The following NYAP2 variants were observed in gnomAD, a reference collection of about 807,000 sequenced individuals.
NYAP2 encodes the protein neuronal tyrosine-phosphorylated phosphoinositide-3-kinase adaptor 2, also known as neuronal tyrosine-phosphorylated phosphoinositide-3-kinase adapter 2.
In NYAP2, 23 loss-of-function variants were observed where a neutral mutation model predicts 50.4. That is an observed-to-expected ratio of 0.46 (90% CI 0.33 to 0.65). The LOEUF (loss-of-function observed/expected upper bound fraction) is 0.65. NYAP2 is among the 30% of genes least tolerant of loss of function. The pLI, the probability that NYAP2 is intolerant of heterozygous loss-of-function variation, is 0.02. For missense variants in NYAP2, 885 were observed against 861.0 expected (o/e 1.03, Z -0.35); for synonymous variants, 394 against 365.2 (o/e 1.08, Z -0.90).
At chr2:225,487,425 T>G (rs1343059757) in intron 3 of NYAP2, among the ~76,000 whole-genome samples, 1 of 152,034 alleles carries the variant, frequency 6.6e-6, no homozygotes, top group Non-Finnish European at 1.5e-5. Flanking sequence ...AGTGGCACAA[T>G]CTTGGCTCAC....
chr2:225,556,083 G>T (rs1200765458), intron 4 of NYAP2, among the ~76,000 whole-genome samples: 2 of 152,078 alleles, frequency 1.3e-5, no homozygotes, highest in African/African-American at 4.8e-5. Context: ...GAGTCTTTTT[G>T]CCAATGGAGC....
At chr2:225,498,769 GAA>G (rs2106176072) in intron 3 of NYAP2, among the ~76,000 whole-genome samples, 1 of 152,236 alleles carries the variant, frequency 6.6e-6, no homozygotes, top group East Asian at 1.9e-4. Flanking sequence ...GTATATATAG[GAA>G]GTATATAGGT....
intron 2 of NYAP2, among the ~76,000 whole-genome samples, chr2:225,407,250 A>G (rs564274980): frequency 6.6e-6 from 1 of 152,146 alleles, no homozygotes; most frequent in South Asian, 2.1e-4. Context: ...ACTATTCTTC[A>G]TGTCCATCAT....
chr2:225,596,212 A>G (rs573465105), intron 5 of NYAP2, among the ~76,000 whole-genome samples: 24 of 152,160 alleles, frequency 1.6e-4, no homozygotes, highest in East Asian at 3.9e-4. Context: ...GTTTATTTCC[A>G]TGCAATAGGA....
At chr2:225,491,992 T>C (rs1436578042) in intron 3 of NYAP2, among the ~76,000 whole-genome samples, 1 of 152,012 alleles carries the variant, frequency 6.6e-6, no homozygotes, top group East Asian at 1.9e-4. Context: ...GAGGAGGTGG[T>C]GGTATGACCC....
intron 6 of NYAP2, among the ~76,000 whole-genome samples, chr2:225,640,954 A>G (rs1693516658): frequency 6.6e-6 from 1 of 152,168 alleles, no homozygotes; most frequent in Non-Finnish European, 1.5e-5. Context: ...AACTATTCTG[A>G]TTCTATTGGG....
At position 225,645,477 on chromosome 2, in the gene NYAP2, C is replaced by G. The variant is rs367641362; in HGVS notation, c.1829-5955C>G. Among the ~76,000 whole-genome samples, 32 of 151,760 alleles carry G rather than the reference C, an allele frequency of 2.1e-4. No individual in the cohort carries two copies. The East Asian group carries it at 5.0e-3, about 24-fold the overall frequency. ...TTCCTTTTCCTTCCTCTCTGTTTCC[C>G]TCCTCCACTGCCTTTCTCTCTCTCT... is the stretch of plus-strand genomic sequence containing the variant. On this transcript the variant is annotated intron_variant, in intron 6 of 6. Transcript: ENST00000636099.
chr2:225,513,651 A>G (rs752581578), exon 4 of NYAP2: 2 of 1,519,212 alleles, frequency 1.3e-6, no homozygotes, highest in Non-Finnish European at 1.8e-6. Flanking sequence ...TAAGAGCGGG[A>G]AAACCCCTGA....
At chr2:225,488,620 A>G (rs1321052457) in intron 3 of NYAP2, among the ~76,000 whole-genome samples, 1 of 152,130 alleles carries the variant, frequency 6.6e-6, no homozygotes, top group Non-Finnish European at 1.5e-5. Context: ...ATGATCGCCC[A>G]CCTTGGCCTC....
At chr2:225,491,307 G>A (rs1467148496) in intron 3 of NYAP2, among the ~76,000 whole-genome samples, 3 of 152,180 alleles carry the variant, frequency 2.0e-5, no homozygotes, top group Non-Finnish European at 4.4e-5. Context: ...CCTTAGCCTG[G>A]TTGAGGTGCG....
In NYAP2 at chr2:225,626,799, A is replaced by C. The variant is rs867379837; in HGVS notation, c.1619-118A>C. 2.5e-5 allele frequency: 19 copies of C among 757,112 alleles called. 1 individual carries two copies. The Middle Eastern group carries it at 2.3e-3, about 92-fold the overall frequency. 46.9% of individuals were successfully genotyped at this position (757,112 alleles called of 1,614,324 possible). On this transcript the variant is annotated intron_variant, in intron 5 of 6. Coordinates refer to ENST00000636099, the Ensembl canonical transcript of NYAP2. ...TTATATTTAAATGTTGTAGTCTCCAAGTCTGAGTTTCCAACAACATATTGA... is the reference window on the plus strand; with the variant it reads ...TTATATTTAAATGTTGTAGTCTCCACGTCTGAGTTTCCAACAACATATTGA...
At chr2:225,646,491 C>T (rs769700782) in intron 6 of NYAP2, among the ~76,000 whole-genome samples, 8 of 152,204 alleles carry the variant, frequency 5.3e-5, no homozygotes, top group Non-Finnish European at 1.2e-4. Flanking sequence ...GCAGAGATTG[C>T]GGTGAGCCAA....
At chr2:225,517,636 G>A (rs1381005155) in intron 4 of NYAP2, among the ~76,000 whole-genome samples, 2 of 152,144 alleles carry the variant, frequency 1.3e-5, no homozygotes, top group Admixed American at 1.3e-4. Context: ...GCCAATGATT[G>A]TGCATGGTAC....
At chr2:225,524,931 A>G (rs1691126436) in intron 4 of NYAP2, among the ~76,000 whole-genome samples, 1 of 152,206 alleles carries the variant, frequency 6.6e-6, no homozygotes. Context: ...AAGGACATAT[A>G]TAGATACTTT....
At chr2:225,530,846 T>G (rs923000534) in intron 4 of NYAP2, among the ~76,000 whole-genome samples, 9 of 152,182 alleles carry the variant, frequency 5.9e-5, no homozygotes, top group African/African-American at 1.9e-4. Context: ...ACTCCTTCAC[T>G]TGCCCTGATC....
At chr2:225,473,688 C>A (rs1396195445) in intron 3 of NYAP2, among the ~76,000 whole-genome samples, 2 of 152,008 alleles carry the variant, frequency 1.3e-5, no homozygotes, top group African/African-American at 2.4e-5. Context: ...TGTTTGAGTT[C>A]TTTGTAGATT....
chr2:225,435,733 C>T (rs1174699549), intron 3 of NYAP2, among the ~76,000 whole-genome samples: 1 of 152,088 alleles, frequency 6.6e-6, no homozygotes, highest in East Asian at 1.9e-4. Context: ...GGCTTTATTT[C>T]TCAGTCATAT....
chr2:225,525,311 C>T (rs1282892963), intron 4 of NYAP2, among the ~76,000 whole-genome samples: 5 of 152,056 alleles, frequency 3.3e-5, no homozygotes, highest in Non-Finnish European at 7.4e-5. Flanking sequence ...TAGTTCATTA[C>T]ACACTTGTAT....
At chr2:225,651,358 G>A in intron 6 of NYAP2, 74 bp from the exon 7 acceptor site, 1 of 1,586,782 alleles carries the variant, frequency 6.3e-7, no homozygotes, top group Non-Finnish European at 8.6e-7. Flanking sequence ...GAAACAAACA[G>A]AAAGACTGAA....
Sources: gnomAD v4.1 joint callset for allele counts (sites outside exome capture counted in the v4.1 genomes callset) on GRCh38, gnomAD v4.1.1 for gene constraint, MANE v1.5 for transcripts, NCBI Gene and HGNC (gene_info 2026-07-23, HGNC 2026-07-21) for gene names.